The following ELF5 variants were observed in gnomAD, a reference collection of about 807,000 sequenced individuals.
The protein encoded by ELF5 is ETS-related transcription factor Elf-5.
A neutral mutation model predicts 38.2 loss-of-function variants in ELF5; 31 were observed. The observed-to-expected ratio is 0.81, with a 90% CI of 0.61 to 1.10. ELF5 has a LOEUF of 1.10. Among genes scored for constraint, ELF5 ranks in the 50% least tolerant of loss-of-function variants. The pLI, the probability that ELF5 is intolerant of heterozygous loss-of-function variation, is 0.00. For synonymous variants in ELF5, 121 were observed against 112.5 expected, an observed-to-expected ratio of 1.08 and a Z score of -0.48; for missense variants, 300 against 306.6, an observed-to-expected ratio of 0.98 and a Z score of 0.16.
At position 34,479,194 on chromosome 11, in the gene ELF5, T is replaced by A. The variant is rs187946522; in HGVS notation, c.*1024A>T. ...AACAAAAAAGACACACAATTTAATT[T>A]GCCATTACAGAGTTGTTAGGACATT... On this transcript the variant is annotated 3_prime_UTR_variant, in exon 7 of 7. Transcript: ENST00000257832. 6 of 152,680 alleles carry A rather than the reference T, an allele frequency of 3.9e-5. No homozygotes were observed. The highest frequency in any genetic ancestry group is 1.4e-4 in the African/African-American group (6 of 41,462). 9.5% of individuals were successfully genotyped at this position (152,680 alleles called of 1,614,324 possible). A position where few individuals can be genotyped will look rare whatever the true frequency, so the allele number is the denominator to read the frequency against.
intron 3 of ELF5, among the ~76,000 whole-genome samples, 179 bp from the exon 4 acceptor site, chr11:34,490,238 G>T (rs1035186319): frequency 6.6e-6 from 1 of 152,190 alleles, no homozygotes; most frequent in African/African-American, 2.4e-5. Flanking sequence ...CCATCCCTGA[G>T]AGGTGATAAT....
chr11:34,509,155 C>A (rs545476901), intron 1 of ELF5, among the ~76,000 whole-genome samples: 5 of 152,088 alleles, frequency 3.3e-5, no homozygotes, highest in Non-Finnish European at 5.9e-5. Flanking sequence ...CATGGCGAAA[C>A]CCCGTCTCCA....
intron 4 of ELF5, among the ~76,000 whole-genome samples, chr11:34,487,378 G>C (rs921718429): frequency 3.3e-5 from 5 of 152,100 alleles, no homozygotes; most frequent in Non-Finnish European, 7.4e-5. Flanking sequence ...CTAGCCCAGA[G>C]CCCTTGCCCC....
intron 3 of ELF5, among the ~76,000 whole-genome samples, chr11:34,490,537 G>A (rs1480305410): frequency 1.3e-5 from 2 of 152,228 alleles, no homozygotes; most frequent in East Asian, 3.8e-4. Flanking sequence ...TGGAATGCCT[G>A]TTATGTGCTG....
At chr11:34,510,179 A>C (rs926744893) in intron 1 of ELF5, among the ~76,000 whole-genome samples, 1 of 152,198 alleles carries the variant, frequency 6.6e-6, no homozygotes, top group Non-Finnish European at 1.5e-5. Context: ...TCCCTTTGGT[A>C]ATTCCTTCTA....
At chr11:34,501,671 G>GA (rs544988678) in intron 2 of ELF5, among the ~76,000 whole-genome samples, 178 of 152,170 alleles carry the variant, frequency 1.2e-3, no homozygotes, top group African/African-American at 4.0e-3. Flanking sequence ...GTAAGTTCAT[G>GA]AAATTCTAGA....
chr11:34,489,115 G>A (rs373991832), intron 4 of ELF5, among the ~76,000 whole-genome samples: 338 of 152,368 alleles, frequency 2.2e-3, no homozygotes, highest in African/African-American at 7.7e-3. Context: ...AGCCCGTAGC[G>A]TGTGGTCCAC....
intron 1 of ELF5, among the ~76,000 whole-genome samples, chr11:34,513,194 AT>A (rs1307422053): frequency 6.6e-6 from 1 of 151,990 alleles, no homozygotes; most frequent in Non-Finnish European, 1.5e-5. Context: ...TTTTGTACAA[AT>A]TCCTGAAAAT....
chr11:34,489,909 G>T (rs1564977425), intron 4 of ELF5, 100 bp downstream of exon 4: 3 of 1,394,882 alleles, frequency 2.2e-6, no homozygotes, highest in African/African-American at 1.4e-5. Flanking sequence ...GGATTGTTTT[G>T]GTTCATCAGC....
chr11:34,489,526 G>T (rs1163535301), intron 4 of ELF5, among the ~76,000 whole-genome samples: 1 of 152,192 alleles, frequency 6.6e-6, no homozygotes, highest in African/African-American at 2.4e-5. Context: ...AACAGGGAAG[G>T]TTAATCATCA....
intron 1 of ELF5, among the ~76,000 whole-genome samples, chr11:34,508,725 G>C (rs1307694640): frequency 6.6e-6 from 1 of 152,162 alleles, no homozygotes; most frequent in Non-Finnish European, 1.5e-5. Flanking sequence ...GGAAGATACT[G>C]AGTTAGTCCA....
chr11:34,510,636 G>T (rs1446911054), intron 1 of ELF5, among the ~76,000 whole-genome samples: 1 of 152,126 alleles, frequency 6.6e-6, no homozygotes, highest in Non-Finnish European at 1.5e-5. Context: ...TGCTCAAGGG[G>T]GGTGATATTG....
chr11:34,487,918 T>C (rs1850047372), intron 4 of ELF5, among the ~76,000 whole-genome samples: 1 of 152,178 alleles, frequency 6.6e-6, no homozygotes, highest in Non-Finnish European at 1.5e-5. Flanking sequence ...CTAGACTCAC[T>C]GGCCTTCTTT....
intron 2 of ELF5, among the ~76,000 whole-genome samples, chr11:34,495,194 G>A (rs1319522555): frequency 6.6e-6 from 1 of 152,208 alleles, no homozygotes; most frequent in Non-Finnish European, 1.5e-5. Context: ...GCTGAGGCAC[G>A]GGGAAAGCTG....
intron 1 of ELF5, among the ~76,000 whole-genome samples, chr11:34,512,642 T>C (rs1272808492): frequency 6.6e-6 from 1 of 151,744 alleles, no homozygotes; most frequent in Non-Finnish European, 1.5e-5. Context: ...ATAATACATA[T>C]ATTCAATCCT....
intron 3 of ELF5, 55 bp downstream of exon 3, chr11:34,493,424 T>G: frequency 1.3e-6 from 2 of 1,530,638 alleles, no homozygotes; most frequent in Non-Finnish European, 1.8e-6. Context: ...TTCTCAAAGT[T>G]GTTTGGTCCT....
intron 2 of ELF5, among the ~76,000 whole-genome samples, chr11:34,504,628 C>A (rs926359089): frequency 2.0e-5 from 3 of 152,230 alleles, no homozygotes; most frequent in Non-Finnish European, 4.4e-5. Flanking sequence ...GGGGTTAACA[C>A]TCAGTGAGGA....
At chr11:34,501,973 G>T (rs1258595673) in intron 2 of ELF5, among the ~76,000 whole-genome samples, 1 of 151,848 alleles carries the variant, frequency 6.6e-6, no homozygotes. Context: ...TAAAAATTCT[G>T]AACTGAGAAG....
chr11:34,507,054 G>T (rs1850630057), intron 1 of ELF5, among the ~76,000 whole-genome samples: 1 of 152,136 alleles, frequency 6.6e-6, no homozygotes, highest in Admixed American at 6.5e-5. Flanking sequence ...TATAACTATG[G>T]TTGCAGTTTT....
Sources: allele counts gnomAD v4.1 joint callset (sites outside exome capture counted in the v4.1 genomes callset), GRCh38; gene constraint gnomAD v4.1.1; transcripts MANE v1.5; gene names NCBI Gene and HGNC (gene_info 2026-07-23, HGNC 2026-07-21).